The following PTMA variants were observed in gnomAD, a reference collection of about 807,000 sequenced individuals.
PTMA encodes the protein prothymosin alpha.
A neutral mutation model predicts 16.9 loss-of-function variants in PTMA; 4 were observed. The observed-to-expected ratio is 0.24, with a 90% CI of 0.12 to 0.54. The LOEUF (loss-of-function observed/expected upper bound fraction) is 0.54. PTMA is among the 20% of genes least tolerant of loss of function. The pLI is 0.95. For missense variants in PTMA, 120 were observed against 137.7 expected, an observed-to-expected ratio of 0.87 and a Z score of 0.64; for synonymous variants, 58 against 47.9, an observed-to-expected ratio of 1.21 and a Z score of -0.87.
intron 1 of PTMA, 117 bp from the exon 2 acceptor site, chr2:231,711,231 G>A (rs1288966346): frequency 1.2e-6 from 1 of 813,948 alleles, no homozygotes; most frequent in Non-Finnish European, 2.0e-6. Context: ...CTCAACATGC[G>A]ACTCTTAATT....
chr2:231,711,797 G>A (rs947568517), intron 2 of PTMA, 93 bp from the exon 3 acceptor site: 24 of 1,556,314 alleles, frequency 1.5e-5, no homozygotes, highest in Admixed American at 1.4e-4. Flanking sequence ...AGATGCAGCC[G>A]CCAGCCTCTG....
chr2:231,711,167 G>A (rs925431059), intron 1 of PTMA, 181 bp from the exon 2 acceptor site: 2 of 540,026 alleles, frequency 3.7e-6, no homozygotes, highest in African/African-American at 3.8e-5. Context: ...GCCCCCCGCC[G>A]GCCTTCCTTC....
chr2:231,713,054 A>G lies in PTMA; in HGVS notation c.*203A>G, dbSNP rs1358546229. On this transcript the variant is annotated 3_prime_UTR_variant, in exon 5 of 5. Transcript: ENST00000409115. ...AGAATTTGCAACAGGGGAGGAAAAA[A>G]GAACCAAAACTTCCAAGGCCCTGCT... 1 of 580,026 alleles carries G rather than the reference A, an allele frequency of 1.7e-6. No individual in the cohort carries two copies. Among genetic ancestry groups the G allele is most frequent in the African/African-American group, 1.9e-5 (1 of 51,360 alleles). The allele number at this position is 580,026 out of a possible 1,614,324, so 35.9% of individuals were successfully genotyped here. A position where few individuals can be genotyped will look rare whatever the true frequency, so the allele number is the denominator to read the frequency against.
At chr2:231,711,654 C>CT (rs912381843) in intron 2 of PTMA, 21 of 787,436 alleles carry the variant, frequency 2.7e-5, no homozygotes, top group African/African-American at 1.6e-4. Context: ...CTCCGGTAGT[C>CT]TGAGTTTGGG....
intron 1 of PTMA, 185 bp from the exon 2 acceptor site, chr2:231,711,163 C>T (rs994357358): frequency 5.6e-6 from 3 of 533,496 alleles, no homozygotes; most frequent in South Asian, 2.5e-5. Context: ...AGATGCCCCC[C>T]GCCGGCCTTC....
chr2:231,710,400 G>T (rs1164985667), intron 1 of PTMA: 2 of 1,160,390 alleles, frequency 1.7e-6, no homozygotes, highest in East Asian at 4.2e-5. Flanking sequence ...ATGCGCGCCT[G>T]CGCGCCGCGA....
chr2:231,711,237 T>TA (rs532090152), intron 1 of PTMA, 111 bp from the exon 2 acceptor site: 17 of 858,430 alleles, frequency 2.0e-5, no homozygotes, highest in South Asian at 1.9e-4. Context: ...ATGCGACTCT[T>TA]AATTTGGGAC....
chr2:231,709,844 T>G, intron 1 of PTMA: 4 of 224,146 alleles, frequency 1.8e-5, no homozygotes, highest in East Asian at 9.1e-5. Context: ...CCTGCAGGGA[T>G]TGGCGCGAGT....
chr2:231,708,690 C>T lies in PTMA; in HGVS notation c.-17C>T. 6.2e-7 allele frequency: 1 copy of T among 1,602,114 alleles called. No individual in the cohort carries two copies. The highest frequency in any genetic ancestry group is 1.1e-5 in the South Asian group (1 of 91,046). ...TTCTTTTTAATCCCCTGCATCGGAT[C>T]ACCGGCGTGCCCCACCATGTCAGAC... On this transcript the variant is annotated 5_prime_UTR_variant, in exon 1 of 5. Transcript: ENST00000409115.
intron 1 of PTMA, 75 bp downstream of exon 1, chr2:231,708,826 G>T (rs2048474352): frequency 2.6e-6 from 4 of 1,532,510 alleles, no homozygotes; most frequent in Non-Finnish European, 3.5e-6. Context: ...GCAGCAGCTG[G>T]ACTGTCTCAA....
At chr2:231,710,398 C>A in intron 1 of PTMA, 2 of 1,161,584 alleles carry the variant, frequency 1.7e-6, no homozygotes, top group South Asian at 4.3e-5. Flanking sequence ...GGATGCGCGC[C>A]TGCGCGCCGC....
intron 4 of PTMA, 102 bp from the exon 5 acceptor site, chr2:231,712,702 G>A: frequency 1.4e-6 from 2 of 1,438,574 alleles, no homozygotes; most frequent in Non-Finnish European, 1.9e-6. Flanking sequence ...GGGCTGTGGA[G>A]CTGGGGGTCC....
Position 231,713,291 on chromosome 2 carries a change from G to A in PTMA, c.*440G>A, listed in dbSNP as rs774256901. 2 of 497,496 alleles carry A rather than the reference G, an allele frequency of 4.0e-6. No homozygotes were observed. The highest frequency in any genetic ancestry group is 3.0e-5 in the South Asian group (2 of 65,618). 30.8% of individuals were successfully genotyped at this position (497,496 alleles called of 1,614,324 possible). A position where few individuals can be genotyped will look rare whatever the true frequency, so the allele number is the denominator to read the frequency against. ...GGAGAAAAAAAACCTTGTAAAAAAA[G>A]CAAAAATGACAACAGAAAAACAATC... is the stretch of plus-strand genomic sequence containing the variant. On this transcript the variant is annotated 3_prime_UTR_variant, in exon 5 of 5. Coordinates refer to ENST00000409115, the MANE Select transcript of PTMA (RefSeq NM_002823.5).
chr2:231,710,129 C>A (rs2048497635), intron 1 of PTMA: 1 of 1,248,826 alleles, frequency 8.0e-7, no homozygotes, highest in Non-Finnish European at 1.0e-6. Flanking sequence ...CTCGGACCTA[C>A]GCAGCCCGGT....
At chr2:231,709,097 C>G (rs557032613) in intron 1 of PTMA, among the ~76,000 whole-genome samples, 1 of 152,128 alleles carries the variant, frequency 6.6e-6, no homozygotes, top group African/African-American at 2.4e-5. Flanking sequence ...GCCCGCCGGG[C>G]GCACGGAAAT....
At chr2:231,711,527 C>T (rs1245855092) in intron 2 of PTMA, 108 bp downstream of exon 2, 5 of 1,030,944 alleles carry the variant, frequency 4.8e-6, no homozygotes, top group Middle Eastern at 2.0e-4. Flanking sequence ...ATATGTATAG[C>T]TTTGCACAGT....
At chr2:231,710,416 C>T (rs2048502473) in intron 1 of PTMA, 3 of 1,154,464 alleles carry the variant, frequency 2.6e-6, no homozygotes, top group East Asian at 9.2e-5. Context: ...CGCGACCTCC[C>T]TGCCCCCACT....
In PTMA at chr2:231,711,556, G is replaced by C. The variant is rs1334492822; in HGVS notation, c.117+137G>C. ...GCACAGTGGCAGTATCGTAGCCAAT[G>C]AGCTTTACCCGAGGCGCGATTATTG... On this transcript the variant is annotated intron_variant, in intron 2 of 4. Coordinates refer to ENST00000409115, the MANE Select transcript of PTMA (RefSeq NM_002823.5). The C allele has an allele frequency of 7.1e-6, 6 of 847,288 alleles. No homozygotes were observed. The East Asian group carries it at 1.6e-4, about 22-fold the overall frequency. 52.5% of individuals were successfully genotyped at this position (847,288 alleles called of 1,614,324 possible). A position where few individuals can be genotyped will look rare whatever the true frequency, so the allele number is the denominator to read the frequency against.
chr2:231,711,158 C>G, intron 1 of PTMA, 190 bp from the exon 2 acceptor site: 1 of 519,426 alleles, frequency 1.9e-6, no homozygotes, highest in Non-Finnish European at 3.5e-6. Flanking sequence ...ATCACAGATG[C>G]CCCCCGCCGG....
Sources: allele counts gnomAD v4.1 joint callset (sites outside exome capture counted in the v4.1 genomes callset), GRCh38; gene constraint gnomAD v4.1.1; transcripts MANE v1.5; gene names NCBI Gene and HGNC (gene_info 2026-07-23, HGNC 2026-07-21).